SVOPL: variants seen among roughly 807,000 people sequenced by gnomAD.
SVOPL encodes the protein SVOP like, also known as putative transporter SVOPL.
SVOPL carries 60 observed loss-of-function variants against 61.0 expected under a neutral mutation model. The ratio of observed to expected loss-of-function variants is 0.98; its 90% confidence interval spans 0.80 to 1.22. The LOEUF is 1.22. Among genes scored for constraint, SVOPL ranks in the 50% most tolerant of loss-of-function variants. The pLI, the probability that SVOPL is intolerant of heterozygous loss-of-function variation, is 0.00. For synonymous variants in SVOPL, 279 were observed against 250.0 expected (o/e 1.12, Z -1.09); for missense variants, 662 against 643.9 (o/e 1.03, Z -0.30).
intron 8 of SVOPL, 143 bp downstream of exon 8, chr7:138,648,869 C>T (rs1423771377): frequency 2.4e-6 from 3 of 1,262,762 alleles, no homozygotes; most frequent in Non-Finnish European, 2.1e-6. Flanking sequence ...CTGCAGTGAG[C>T]CGAGATTGCA....
At position 138,701,335 on chromosome 7, in the gene SVOPL, C is replaced by T. The variant is rs1378022273; in HGVS notation, c.-192G>A. 6.6e-6 allele frequency: 1 copy of T among 152,238 alleles called. No homozygotes were observed. The highest frequency in any genetic ancestry group is 1.5e-5 in the Non-Finnish European group (1 of 68,080). 9.4% of individuals were successfully genotyped at this position (152,238 alleles called of 1,614,324 possible). ...GCTCCCTGGTCTTATCCTCTCCTTT[C>T]AGGTCGGGTCTCAGATCAGGATTCT... On this transcript the variant is annotated 5_prime_UTR_variant, in exon 1 of 16. Coordinates refer to ENST00000674285, the MANE Select transcript of SVOPL (RefSeq NM_001139456.2).
At chr7:138,695,620 G>A (rs1387469867) in intron 1 of SVOPL, among the ~76,000 whole-genome samples, 1 of 152,022 alleles carries the variant, frequency 6.6e-6, no homozygotes, top group African/African-American at 2.4e-5. Context: ...CTTGAGACCT[G>A]GGGGGGCTTC....
chr7:138,622,262 C>CTATG (rs1799692778), intron 13 of SVOPL, among the ~76,000 whole-genome samples: 1 of 93,726 alleles, frequency 1.1e-5, no homozygotes. Flanking sequence ...ATGTATCTAT[C>CTATG]TATCTATGTA....
At chr7:138,630,008 G>T in intron 10 of SVOPL, 41 bp downstream of exon 10, 1 of 1,527,484 alleles carries the variant, frequency 6.5e-7, no homozygotes. Flanking sequence ...TCCTCCCAAT[G>T]CCTCTATTTA....
At chr7:138,693,820 C>A (rs1563140965) in intron 1 of SVOPL, among the ~76,000 whole-genome samples, 1 of 151,112 alleles carries the variant, frequency 6.6e-6, no homozygotes. Context: ...ATTACTTCAA[C>A]AAAAAAATTT....
chr7:138,642,390 CAAG>C (rs1412888923), intron 9 of SVOPL, among the ~76,000 whole-genome samples: 2 of 150,026 alleles, frequency 1.3e-5, no homozygotes, highest in Non-Finnish European at 3.0e-5. Context: ...TAAGCTGGAC[CAAG>C]AAAAGAGAGA....
intron 9 of SVOPL, among the ~76,000 whole-genome samples, chr7:138,638,927 T>C (rs1023232428): frequency 3.2e-4 from 48 of 152,196 alleles, no homozygotes; most frequent in Admixed American, 2.3e-3. Context: ...AATATCTTCC[T>C]GAAACTGTGC....
rs35516590 is a variant in SVOPL, at chr7:138,609,489, C to CAA, written c.1353+11555_1353+11556dup. On this transcript the variant is annotated intron_variant, in intron 14 of 15. Coordinates refer to ENST00000674285, the MANE Select transcript of SVOPL (RefSeq NM_001139456.2). ...GCAACATGGCAAGACACCACCTCTACAAAAAAAAAAAAAAAAAAAAATAGC... is the reference window on the plus strand; with the variant it reads ...GCAACATGGCAAGACACCACCTCTACAAAAAAAAAAAAAAAAAAAAAAATAGC... Among the ~76,000 whole-genome samples the CAA allele has an allele frequency of 5.9e-3, 287 of 48,288 alleles. 2 individuals are homozygous for CAA. The highest frequency in any genetic ancestry group is 0.021 in the African/African-American group (260 of 12,544). 31.7% of individuals were successfully genotyped at this position (48,288 alleles called of 152,430 possible).
At chr7:138,611,908 A>C (rs1303862803) in intron 14 of SVOPL, among the ~76,000 whole-genome samples, 1 of 27,966 alleles carries the variant, frequency 3.6e-5, no homozygotes, top group African/African-American at 1.6e-4. Flanking sequence ...CCAACAGCTC[A>C]TTGAGAACGG....
chr7:138,700,488 A>G (rs543252311), intron 1 of SVOPL, among the ~76,000 whole-genome samples: 2 of 151,702 alleles, frequency 1.3e-5, no homozygotes, highest in East Asian at 3.9e-4. Flanking sequence ...ACAGGCACCC[A>G]CCACCATGCA....
rs184889678 is a variant in SVOPL at position 138,699,580 on chromosome 7, G to A, written c.-35+1598C>T. ...AAGACCTCAAAACCTCTCCAAACTA[G>A]TCACTTCATCTTACTTATGAGAGGC... On this transcript the variant is annotated intron_variant, in intron 1 of 15. Transcript: ENST00000674285. Among the ~76,000 whole-genome samples the A allele has an allele frequency of 2.2e-3, 330 of 152,262 alleles. 1 individual carries two copies. Among genetic ancestry groups the A allele is most frequent in the Non-Finnish European group, 3.7e-3 (249 of 68,026 alleles).
intron 7 of SVOPL, among the ~76,000 whole-genome samples, chr7:138,653,932 CAAA>C (rs34826230): frequency 0.015 from 1,936 of 132,534 alleles, 46 homozygotes; most frequent in African/African-American, 0.047. Flanking sequence ...GACTCTGTCT[CAAA>C]AAAAAAAAAA....
intron 3 of SVOPL, among the ~76,000 whole-genome samples, chr7:138,677,496 C>T (rs924256469): frequency 1.3e-5 from 2 of 152,070 alleles, no homozygotes; most frequent in Non-Finnish European, 2.9e-5. Flanking sequence ...AAATATTTTA[C>T]CCCAAGACAT....
At chr7:138,605,608 C>A (rs748118757) in intron 14 of SVOPL, among the ~76,000 whole-genome samples, 22 of 145,494 alleles carry the variant, frequency 1.5e-4, no homozygotes, top group Non-Finnish European at 3.1e-4. Flanking sequence ...GTTGCAGTGA[C>A]CCGAGATCAT....
rs186348095 is a variant in SVOPL at position 138,656,609 on chromosome 7, A to G, written c.471-98T>C. The G allele has an allele frequency of 1.1e-3, 1,370 of 1,273,622 alleles. 4 individuals are homozygous for G. The highest frequency in any genetic ancestry group is 1.3e-3 in the South Asian group (103 of 78,368). The allele number at this position is 1,273,622 out of a possible 1,614,324, so 78.9% of individuals were successfully genotyped here. Reference sequence around the variant, plus strand: ...TTCTTGTCACAGGGATAAAGAATTCAAAAGCATAGAAGTTGATTATATATC... The same window carrying G: ...TTCTTGTCACAGGGATAAAGAATTCGAAAGCATAGAAGTTGATTATATATC... On this transcript the variant is annotated intron_variant, in intron 6 of 15. Coordinates refer to ENST00000674285, the MANE Select transcript of SVOPL (RefSeq NM_001139456.2).
Position 138,643,352 on chromosome 7 carries a change from G to C in SVOPL, c.789+1365C>G, listed in dbSNP as rs185979425. ...AGGCAGGAGAATTGCTTGAACCAGG[G>C]AGTCGGAAGTTGCAGTGAGCCAAGA... On this transcript the variant is annotated intron_variant, in intron 9 of 15. Coordinates refer to ENST00000674285, the MANE Select transcript of SVOPL (RefSeq NM_001139456.2). Among the ~76,000 whole-genome samples the C allele has an allele frequency of 4.6e-3, 693 of 149,520 alleles. 7 individuals are homozygous for C. The highest frequency in any genetic ancestry group is 0.016 in the African/African-American group (637 of 40,086).
At chr7:138,611,831 G>C (rs1245509140) in intron 14 of SVOPL, among the ~76,000 whole-genome samples, 8 of 60,006 alleles carry the variant, frequency 1.3e-4, no homozygotes, top group South Asian at 8.3e-4. Flanking sequence ...CCAGCCGCCT[G>C]CCTTGGCCTC....
chr7:138,613,422 T>C (rs1057427250), intron 14 of SVOPL, among the ~76,000 whole-genome samples: 30 of 152,214 alleles, frequency 2.0e-4, no homozygotes, highest in African/African-American at 6.8e-4. Flanking sequence ...AAGTCCTTAA[T>C]ATGCCTGGAA....
intron 8 of SVOPL, among the ~76,000 whole-genome samples, chr7:138,647,789 A>C (rs1022412777): frequency 1.5e-4 from 22 of 149,004 alleles, no homozygotes; most frequent in Non-Finnish European, 3.3e-4. Context: ...TGGAGGTTGC[A>C]GTGAGCCGAG....
Sources: allele counts gnomAD v4.1 joint callset (sites outside exome capture counted in the v4.1 genomes callset), GRCh38; gene constraint gnomAD v4.1.1; transcripts MANE v1.5; gene names NCBI Gene and HGNC (gene_info 2026-07-23, HGNC 2026-07-21).